DENND1A: variants seen among roughly 807,000 people sequenced by gnomAD.
The protein encoded by DENND1A is DENN domain-containing protein 1A.
DENND1A carries 51 observed loss-of-function variants against 113.7 expected under a neutral mutation model. That is an observed-to-expected ratio of 0.45 (90% CI 0.36 to 0.57). The LOEUF is 0.57. DENND1A is among the 20% of genes least tolerant of loss of function. The pLI is 0.00. For synonymous variants in DENND1A, 565 were observed against 570.8 expected, an observed-to-expected ratio of 0.99 and a Z score of 0.14; for missense variants, 1,258 against 1,395.9, an observed-to-expected ratio of 0.90 and a Z score of 1.57.
intron 10 of DENND1A, among the ~76,000 whole-genome samples, chr9:123,611,180 C>T (rs978532294): frequency 6.6e-6 from 1 of 152,148 alleles, no homozygotes; most frequent in African/African-American, 2.4e-5. Context: ...TTTTCTTCTT[C>T]TTCTTCTTCT....
intron 12 of DENND1A, among the ~76,000 whole-genome samples, chr9:123,558,604 G>A (rs888172391): frequency 6.6e-5 from 10 of 152,140 alleles, no homozygotes; most frequent in African/African-American, 1.7e-4. Flanking sequence ...ACAGGTCCAC[G>A]TACTACAAAC....
At chr9:123,440,230 G>A in intron 19 of DENND1A, 130 bp downstream of exon 19, 1 of 1,173,082 alleles carries the variant, frequency 8.5e-7, no homozygotes, top group South Asian at 1.7e-5. Flanking sequence ...TTAAAGATGT[G>A]AAAACCTCCA....
chr9:123,829,938 G>C (rs1839936563), intron 2 of DENND1A, among the ~76,000 whole-genome samples: 1 of 152,128 alleles, frequency 6.6e-6, no homozygotes, highest in East Asian at 1.9e-4. Context: ...AAACATTGAT[G>C]TGAAAATTCT....
intron 1 of DENND1A, among the ~76,000 whole-genome samples, chr9:123,885,266 A>T (rs1173756248): frequency 6.6e-6 from 1 of 152,178 alleles, no homozygotes; most frequent in Middle Eastern, 3.2e-3. Flanking sequence ...TAATTCCTAA[A>T]CTTATTCCAA....
intron 19 of DENND1A, among the ~76,000 whole-genome samples, chr9:123,417,013 C>T (rs1217895440): frequency 2.0e-5 from 3 of 152,248 alleles, no homozygotes; most frequent in African/African-American, 2.4e-5. Flanking sequence ...CATGGGTTCA[C>T]GAGTTGGTTC....
At chr9:123,409,164 G>C (rs1004071730) in intron 20 of DENND1A, among the ~76,000 whole-genome samples, 15 of 152,082 alleles carry the variant, frequency 9.9e-5, no homozygotes, top group African/African-American at 3.4e-4. Flanking sequence ...CACAGTCCTA[G>C]GCACCATAAA....
intron 2 of DENND1A, among the ~76,000 whole-genome samples, chr9:123,810,560 A>AC (rs899817409): frequency 6.6e-6 from 1 of 151,214 alleles, no homozygotes; most frequent in Admixed American, 6.6e-5. Context: ...AAAAAAAAAA[A>AC]AAAAAAAAAC....
chr9:123,847,751 A>G (rs1241295761), intron 2 of DENND1A, among the ~76,000 whole-genome samples: 1 of 152,194 alleles, frequency 6.6e-6, no homozygotes, highest in African/African-American at 2.4e-5. Context: ...CCTGGCCAAT[A>G]TGGCAAAACC....
intron 22 of DENND1A, among the ~76,000 whole-genome samples, chr9:123,384,942 T>C (rs1033190739): frequency 6.6e-6 from 1 of 152,064 alleles, no homozygotes. Flanking sequence ...AGCGAGACCC[T>C]GTCTCAAAAC....
intron 13 of DENND1A, among the ~76,000 whole-genome samples, chr9:123,525,478 C>T (rs1010935095): frequency 4.6e-5 from 7 of 152,150 alleles, no homozygotes; most frequent in Non-Finnish European, 8.8e-5. Context: ...CCTGTATACT[C>T]GTGTAGGTAG....
At chr9:123,768,741 T>C (rs1350703330) in intron 4 of DENND1A, among the ~76,000 whole-genome samples, 1 of 151,520 alleles carries the variant, frequency 6.6e-6, no homozygotes. Flanking sequence ...TAGACATTTT[T>C]TGAAAATAAA....
chr9:123,885,082 T>C (rs940109373), intron 1 of DENND1A, among the ~76,000 whole-genome samples: 2 of 151,626 alleles, frequency 1.3e-5, no homozygotes, highest in African/African-American at 4.9e-5. Context: ...CAGCCTAGAC[T>C]GGGTTAAGTG....
At chr9:123,444,183 T>A (rs554354406) in intron 18 of DENND1A, among the ~76,000 whole-genome samples, 1 of 152,344 alleles carries the variant, frequency 6.6e-6, no homozygotes, top group Non-Finnish European at 1.5e-5. Context: ...CTAAAAGATG[T>A]ATATGCCCTT....
At chr9:123,406,950 TG>T (rs34523099) in intron 20 of DENND1A, among the ~76,000 whole-genome samples, 1 of 151,776 alleles carries the variant, frequency 6.6e-6, no homozygotes, top group South Asian at 2.1e-4. Context: ...GTGGCTGAAA[TG>T]GGGGGATTAA....
At position 123,531,554 on chromosome 9, in the gene DENND1A, TACACACACACACAC is replaced by T. The variant is rs57819030; in HGVS notation, c.993+26002_993+26015del. Among the ~76,000 whole-genome samples, 40 of 103,190 alleles carry T rather than the reference TACACACACACACAC, an allele frequency of 3.9e-4. 1 individual carries two copies. Among genetic ancestry groups the T allele is most frequent in the African/African-American group, 8.5e-4 (23 of 27,126 alleles). 67.7% of individuals were successfully genotyped at this position (103,190 alleles called of 152,430 possible). Reference sequence around the variant, plus strand: ...ATCCTTCTCTTCCCCCCTCTCTCTCTACACACACACACACACACACACACACACACACACACACA... The same window carrying T: ...ATCCTTCTCTTCCCCCCTCTCTCTCTACACACACACACACACACACACACA... On this transcript the variant is annotated intron_variant, in intron 13 of 23. Transcript: ENST00000394215.
At chr9:123,523,967 C>T (rs191869716) in intron 13 of DENND1A, among the ~76,000 whole-genome samples, 1 of 152,194 alleles carries the variant, frequency 6.6e-6, no homozygotes, top group Non-Finnish European at 1.5e-5. Context: ...AACAAGAGAG[C>T]AGGCCCTTTT....
intron 13 of DENND1A, among the ~76,000 whole-genome samples, chr9:123,528,753 G>T (rs1411391643): frequency 6.6e-6 from 1 of 152,152 alleles, no homozygotes. Context: ...CAAGCTTTTG[G>T]GTGGCAGCTG....
intron 5 of DENND1A, among the ~76,000 whole-genome samples, chr9:123,707,944 G>C (rs937562877): frequency 1.3e-5 from 2 of 152,174 alleles, no homozygotes; most frequent in Non-Finnish European, 2.9e-5. Context: ...ATCGTGTCTT[G>C]AGTAGACGAA....
At chr9:123,647,596 G>T (rs1212782780) in intron 9 of DENND1A, among the ~76,000 whole-genome samples, 2 of 152,164 alleles carry the variant, frequency 1.3e-5, no homozygotes, top group African/African-American at 4.8e-5. Flanking sequence ...TGTAGTTTGT[G>T]TGAATCCCTA....
Sources: gnomAD v4.1 joint callset for allele counts (sites outside exome capture counted in the v4.1 genomes callset) on GRCh38, gnomAD v4.1.1 for gene constraint, MANE v1.5 for transcripts, NCBI Gene and HGNC (gene_info 2026-07-23, HGNC 2026-07-21) for gene names.